GNB4: variants seen among roughly 807,000 people sequenced by gnomAD.
GNB4 encodes guanine nucleotide-binding protein subunit beta-4.
GNB4 carries 28 observed loss-of-function variants against 45.2 expected under a neutral mutation model. The ratio of observed to expected loss-of-function variants is 0.62; its 90% CI spans 0.46 to 0.85. The LOEUF (loss-of-function observed/expected upper bound fraction) is 0.85. Ranked by LOEUF, GNB4 falls within the 40% of genes least tolerant of loss-of-function variation. GNB4 has a pLI of 0.00. For missense variants in GNB4, 321 were observed against 425.4 expected (o/e 0.75, Z 2.16); for synonymous variants, 132 against 143.7 (o/e 0.92, Z 0.58).
the GNB4 span, among the ~76,000 whole-genome samples, chr3:179,513,189 ATT>A: frequency 0.027 from 3,292 of 123,184 alleles, 88 homozygotes; most frequent in African/African-American, 0.088. Flanking sequence ...ATGTGCAGCA[ATT>A]TTTTTTTTTT....
chr3:179,459,814 G>C, the GNB4 span, among the ~76,000 whole-genome samples: 1 of 152,098 alleles, frequency 6.6e-6, no homozygotes, highest in Non-Finnish European at 1.5e-5. Flanking sequence ...AGAGTCTCCA[G>C]TAAATGAATG....
At chr3:179,441,281 A>G (rs1167550044) in intron 1 of GNB4, among the ~76,000 whole-genome samples, 1 of 152,186 alleles carries the variant, frequency 6.6e-6, no homozygotes, top group African/African-American at 2.4e-5. Context: ...CCTTACACAC[A>G]CCTAGATGGT....
intron 1 of GNB4, among the ~76,000 whole-genome samples, chr3:179,450,806 C>A (rs1267906437): frequency 6.6e-6 from 1 of 152,190 alleles, no homozygotes; most frequent in Non-Finnish European, 1.5e-5. Flanking sequence ...ATTCATCAAT[C>A]CCCTCCCATC....
the GNB4 span, among the ~76,000 whole-genome samples, chr3:179,525,666 C>A: frequency 6.6e-6 from 1 of 152,160 alleles, no homozygotes. Context: ...ACTGTCTTCC[C>A]GAGTCCATGA....
At chr3:179,483,966 TCTC>T in the GNB4 span, among the ~76,000 whole-genome samples, 1 of 152,210 alleles carries the variant, frequency 6.6e-6, no homozygotes, top group Non-Finnish European at 1.5e-5. Flanking sequence ...AGCTGTTTAG[TCTC>T]CTACAATTGC....
chr3:179,469,797 T>C, the GNB4 span, among the ~76,000 whole-genome samples: 1 of 152,222 alleles, frequency 6.6e-6, no homozygotes, highest in Non-Finnish European at 1.5e-5. Flanking sequence ...ACAGTGCTAG[T>C]GTATTAGGCT....
the GNB4 span, among the ~76,000 whole-genome samples, chr3:179,521,097 G>T: frequency 6.6e-6 from 1 of 152,062 alleles, no homozygotes; most frequent in Non-Finnish European, 1.5e-5. Flanking sequence ...TTACTCACAT[G>T]CCCCAAGTCA....
the GNB4 span, among the ~76,000 whole-genome samples, chr3:179,509,168 T>TATACACAC: frequency 2.9e-4 from 42 of 146,988 alleles, no homozygotes; most frequent in African/African-American, 9.3e-4. Context: ...TATATATACA[T>TATACACAC]ACACACACAC....
the GNB4 span, among the ~76,000 whole-genome samples, chr3:179,514,090 G>A: frequency 6.6e-6 from 1 of 152,248 alleles, no homozygotes; most frequent in African/African-American, 2.4e-5. Context: ...ATGCATAGCA[G>A]AGTTGAGGCA....
the GNB4 span, among the ~76,000 whole-genome samples, chr3:179,511,029 T>A: frequency 4.7e-4 from 71 of 152,238 alleles, no homozygotes; most frequent in Admixed American, 9.8e-4. Flanking sequence ...ATAAACCCAC[T>A]GCCATGGGAG....
chr3:179,476,843 G>A, the GNB4 span, among the ~76,000 whole-genome samples: 1 of 152,222 alleles, frequency 6.6e-6, no homozygotes, highest in African/African-American at 2.4e-5. Context: ...GCTTTACAAG[G>A]TCAGCCTGAA....
In GNB4 at chr3:179,398,385, C is replaced by T. The variant is rs1714184563; in HGVS notation, c.*2828G>A. 1 of 151,998 alleles carries T rather than the reference C, an allele frequency of 6.6e-6. No individual in the cohort carries two copies. Among genetic ancestry groups the T allele is most frequent in the Non-Finnish European group, 1.5e-5 (1 of 68,064 alleles). The allele number at this position is 151,998 out of a possible 1,614,324, so 9.4% of individuals were successfully genotyped here. A position where few individuals can be genotyped will look rare whatever the true frequency, so the allele number is the denominator to read the frequency against. On this transcript the variant is annotated 3_prime_UTR_variant, in exon 10 of 10. Coordinates refer to ENST00000232564, the MANE Select transcript of GNB4 (RefSeq NM_021629.4). Reference sequence around the variant, plus strand: ...CAAAAATTAGCCGGGCATGGTGGCACATGCCTATAGTCCCAGCTACTTGGG... The same window carrying T: ...CAAAAATTAGCCGGGCATGGTGGCATATGCCTATAGTCCCAGCTACTTGGG...
chr3:179,507,133 C>A, the GNB4 span, among the ~76,000 whole-genome samples: 1 of 152,190 alleles, frequency 6.6e-6, no homozygotes, highest in African/African-American at 2.4e-5. Context: ...TTCCTTCATG[C>A]ATCGTAAATA....
the GNB4 span, among the ~76,000 whole-genome samples, chr3:179,488,805 A>G: frequency 6.6e-6 from 1 of 150,918 alleles, no homozygotes; most frequent in African/African-American, 2.4e-5. Context: ...CAATATGGTG[A>G]AACCCCATCT....
chr3:179,463,650 A>G, the GNB4 span, among the ~76,000 whole-genome samples: 1 of 152,230 alleles, frequency 6.6e-6, no homozygotes, highest in South Asian at 2.1e-4. Flanking sequence ...TTACTCCATC[A>G]TATTCCCTCT....
In GNB4 at chr3:179,444,210, G is replaced by A. The variant is rs991666952; in HGVS notation, c.-43+7136C>T. Among the ~76,000 whole-genome samples, 10 of 152,136 alleles carry A rather than the reference G, an allele frequency of 6.6e-5. 1 individual carries two copies. Among genetic ancestry groups the A allele is most frequent in the African/African-American group, 2.4e-4 (10 of 41,420 alleles). ...TCTTTATGTCTTACAGCCAGGAGGA[G>A]TCTGTGGTTTTTTCATTTTTTTCCC... On this transcript the variant is annotated intron_variant, in intron 1 of 9. Transcript: ENST00000232564.
intron 1 of GNB4, among the ~76,000 whole-genome samples, chr3:179,437,073 A>C (rs1265841183): frequency 2.0e-5 from 3 of 152,154 alleles, no homozygotes; most frequent in Non-Finnish European, 4.4e-5. Context: ...TCTAAAAGGG[A>C]AGACAGACAT....
At chr3:179,525,405 G>A in the GNB4 span, among the ~76,000 whole-genome samples, 1 of 152,260 alleles carries the variant, frequency 6.6e-6, no homozygotes, top group South Asian at 2.1e-4. Context: ...GGAATGGAGG[G>A]TGGAAGGTTG....
chr3:179,415,065 C>A lies in GNB4; in HGVS notation c.268-18G>T. On this transcript the variant is annotated intron_variant, in intron 5 of 9. Coordinates refer to ENST00000232564, the MANE Select transcript of GNB4 (RefSeq NM_021629.4). ...GCATGCATCTGTAGGGCACACACCA[C>A]ACATCACTCAGATTACAAAAACAGT... The A allele has an allele frequency of 6.5e-7, 1 of 1,526,804 alleles. No homozygotes were observed. The highest frequency in any genetic ancestry group is 8.9e-7 in the Non-Finnish European group (1 of 1,122,542). The allele number at this position is 1,526,804 out of a possible 1,614,324, so 94.6% of individuals were successfully genotyped here. A position where few individuals can be genotyped will look rare whatever the true frequency, so the allele number is the denominator to read the frequency against.
Sources: allele counts gnomAD v4.1 joint callset (sites outside exome capture counted in the v4.1 genomes callset), GRCh38; gene constraint gnomAD v4.1.1; transcripts MANE v1.5; gene names NCBI Gene and HGNC (gene_info 2026-07-23, HGNC 2026-07-21).